The following NT5E variants were observed in gnomAD, a reference collection of about 807,000 sequenced individuals.
The protein encoded by NT5E is 5'-nucleotidase ecto, also known as 5'-nucleotidase.
Under a neutral mutation model 55.1 loss-of-function variants are expected in NT5E, and 53 were observed. The ratio of observed to expected loss-of-function variants is 0.96; its 90% CI spans 0.77 to 1.21. The LOEUF (loss-of-function observed/expected upper bound fraction) is 1.21, where lower values mean the gene tolerates loss of function less well. NT5E is among the 50% of genes most tolerant of loss of function. The pLI, the probability that NT5E is intolerant of heterozygous loss-of-function variation, is 0.00. For missense variants in NT5E, 683 were observed against 724.3 expected (o/e 0.94, Z 0.65); for synonymous variants, 270 against 278.4 (o/e 0.97, Z 0.30).
chr6:85,463,589 C>T (rs548299167), intron 1 of NT5E, among the ~76,000 whole-genome samples: 1 of 152,110 alleles, frequency 6.6e-6, no homozygotes, highest in Non-Finnish European at 1.5e-5. Flanking sequence ...ATTATCTGCT[C>T]TGTTATGATC....
intron 2 of NT5E, among the ~76,000 whole-genome samples, chr6:85,469,815 G>A (rs1396582271): frequency 6.6e-6 from 1 of 152,178 alleles, no homozygotes; most frequent in Non-Finnish European, 1.5e-5. Context: ...GGCCTCCCTG[G>A]CTATGATGTC....
chr6:85,480,308 C>T (rs910828281), intron 3 of NT5E, among the ~76,000 whole-genome samples: 6 of 152,164 alleles, frequency 3.9e-5, no homozygotes, highest in African/African-American at 1.4e-4. Context: ...AGGCCAGAGG[C>T]AAGAATTTGA....
At chr6:85,463,128 G>T (rs1168594828) in intron 1 of NT5E, among the ~76,000 whole-genome samples, 2 of 152,132 alleles carry the variant, frequency 1.3e-5, no homozygotes, top group African/African-American at 2.4e-5. Context: ...AGTGGTGGGG[G>T]TGAGGAGCTG....
chr6:85,484,672 C>T (rs908527922), intron 3 of NT5E, among the ~76,000 whole-genome samples: 8 of 152,066 alleles, frequency 5.3e-5, no homozygotes, highest in East Asian at 1.9e-4. Flanking sequence ...TTTTAAGCTC[C>T]GAAGTATATG....
chr6:85,473,909 A>G (rs965282474), intron 3 of NT5E, among the ~76,000 whole-genome samples: 1 of 152,178 alleles, frequency 6.6e-6, no homozygotes, highest in East Asian at 1.9e-4. Context: ...ATCTTAATCA[A>G]TGCTGTCTTA....
chr6:85,489,403 T>C, intron 5 of NT5E, 91 bp from the exon 6 acceptor site: 1 of 880,084 alleles, frequency 1.1e-6, no homozygotes, highest in South Asian at 1.4e-5. Flanking sequence ...AAAGCAGCTT[T>C]ATTTCCTCAC....
intron 3 of NT5E, among the ~76,000 whole-genome samples, chr6:85,472,394 T>G (rs1447010456): frequency 2.6e-5 from 4 of 152,246 alleles, no homozygotes; most frequent in Admixed American, 2.6e-4. Context: ...ATTTTTATTT[T>G]CTTTCTAGTA....
In NT5E at chr6:85,458,816, C is replaced by T. The variant is rs371574369; in HGVS notation, c.340-8244C>T. ...CACGTATGGAGAGTTTGTACGTCCC[C>T]CCTCCCCAAACAAGTAGAATGCTGT... On this transcript the variant is annotated intron_variant, in intron 1 of 8. Coordinates refer to ENST00000257770, the MANE Select transcript of NT5E (RefSeq NM_002526.4). 3.1e-3 allele frequency among the ~76,000 whole-genome samples: 471 copies of T among 152,242 alleles called. 1 individual carries two copies. Among genetic ancestry groups the T allele is most frequent in the African/African-American group, 0.011 (452 of 41,554 alleles).
intron 3 of NT5E, among the ~76,000 whole-genome samples, chr6:85,484,050 C>T (rs1046736850): frequency 6.6e-5 from 10 of 152,150 alleles, no homozygotes; most frequent in Non-Finnish European, 2.9e-5. Flanking sequence ...AGGACCTGCC[C>T]CATGGGAAGC....
At chr6:85,491,866 C>A in intron 7 of NT5E, 111 bp from the exon 8 acceptor site, 1 of 955,616 alleles carries the variant, frequency 1.0e-6, no homozygotes, top group Non-Finnish European at 1.7e-6. Context: ...CAGGTTTAAA[C>A]CAAAGGAAAA....
chr6:85,472,218 G>C (rs976031996), intron 3 of NT5E, among the ~76,000 whole-genome samples: 1 of 152,188 alleles, frequency 6.6e-6, no homozygotes, highest in African/African-American at 2.4e-5. Context: ...CGCAAAGAAG[G>C]CTTTGGCGTG....
intron 2 of NT5E, 65 bp from the exon 3 acceptor site, chr6:85,471,172 A>G (rs1769295726): frequency 4.5e-6 from 5 of 1,113,036 alleles, no homozygotes; most frequent in Non-Finnish European, 5.2e-6. Flanking sequence ...GCATGTTAAT[A>G]TGTATATTAA....
At chr6:85,468,738 G>A (rs1159722381) in intron 2 of NT5E, among the ~76,000 whole-genome samples, 3 of 152,162 alleles carry the variant, frequency 2.0e-5, no homozygotes, top group Non-Finnish European at 4.4e-5. Context: ...TTGGAGGAAA[G>A]CATTGTCTCT....
At chr6:85,470,859 C>T (rs1027561518) in intron 2 of NT5E, among the ~76,000 whole-genome samples, 4 of 152,212 alleles carry the variant, frequency 2.6e-5, no homozygotes, top group East Asian at 1.9e-4. Flanking sequence ...TTCCAACGAA[C>T]GTCTTGGAGT....
At chr6:85,452,566 T>G (rs1768903982) in intron 1 of NT5E, among the ~76,000 whole-genome samples, 1 of 152,154 alleles carries the variant, frequency 6.6e-6, no homozygotes, top group Non-Finnish European at 1.5e-5. Flanking sequence ...TTACGTAATG[T>G]TGGCAGGGGG....
At chr6:85,478,164 C>T (rs1442407941) in intron 3 of NT5E, among the ~76,000 whole-genome samples, 1 of 152,176 alleles carries the variant, frequency 6.6e-6, no homozygotes, top group Non-Finnish European at 1.5e-5. Context: ...GCACCTGCTT[C>T]CTTTACAGAG....
At chr6:85,456,013 T>C (rs1396952711) in intron 1 of NT5E, among the ~76,000 whole-genome samples, 2 of 152,200 alleles carry the variant, frequency 1.3e-5, no homozygotes, top group Non-Finnish European at 2.9e-5. Context: ...GACTAATTTA[T>C]GACTAGAGGG....
intron 1 of NT5E, among the ~76,000 whole-genome samples, chr6:85,456,315 A>G (rs1034249175): frequency 6.6e-6 from 1 of 152,166 alleles, no homozygotes; most frequent in Non-Finnish European, 1.5e-5. Context: ...TAAGCCAGTA[A>G]AGTGCTTTCC....
rs1286132234 is a variant in NT5E at position 85,494,451 on chromosome 6, T to C, written c.*447T>C. The C allele has an allele frequency of 5.3e-6, 1 of 189,872 alleles. No homozygotes were observed. The highest frequency in any genetic ancestry group is 2.4e-5 in the African/African-American group (1 of 41,820). The allele number at this position is 189,872 out of a possible 1,614,324, so 11.8% of individuals were successfully genotyped here. A position where few individuals can be genotyped will look rare whatever the true frequency, so the allele number is the denominator to read the frequency against. On this transcript the variant is annotated 3_prime_UTR_variant, in exon 9 of 9. Coordinates refer to ENST00000257770, the MANE Select transcript of NT5E (RefSeq NM_002526.4). ...TTTCCCACCTGTCAGATGAAAAAAC[T>C]GAAGCTCAAAAAGGGTTGACTTGAC... is the stretch of plus-strand genomic sequence containing the variant.
Sources: allele counts gnomAD v4.1 joint callset (sites outside exome capture counted in the v4.1 genomes callset), GRCh38; gene constraint gnomAD v4.1.1; transcripts MANE v1.5; gene names NCBI Gene and HGNC (gene_info 2026-07-23, HGNC 2026-07-21).